WDR5: variants seen among roughly 807,000 people sequenced by gnomAD.
WDR5 encodes WD repeat domain 5.
For missense variants in WDR5, 187 were observed against 416.9 expected, an observed-to-expected ratio of 0.45 and a Z score of 4.80; for synonymous variants, 144 against 161.6, an observed-to-expected ratio of 0.89 and a Z score of 0.83.
chr9:134,147,060 C>T lies in WDR5; in HGVS notation c.529-1228C>T, dbSNP rs182822269. ...ACCTGCAGATTTCAGAGACCTGGCA[C>T]AAAAAAAGAAAGTAAAGTGTCTTGT... On this transcript the variant is annotated intron_variant, in intron 7 of 13. Coordinates refer to ENST00000358625, the MANE Select transcript of WDR5 (RefSeq NM_017588.3). 9.9e-5 allele frequency among the ~76,000 whole-genome samples: 15 copies of T among 151,996 alleles called. No individual in the cohort carries two copies. The East Asian group carries it at 2.9e-3, about 29-fold the overall frequency.
At chr9:134,144,601 T>C (rs28715994) in intron 7 of WDR5, among the ~76,000 whole-genome samples, 11,687 of 152,062 alleles carry the variant, frequency 0.077, 925 homozygotes, top group African/African-American at 0.2. Context: ...GCACTTTGGG[T>C]GGCTGAGGCA....
chr9:134,143,245 C>T (rs956976511), intron 7 of WDR5, among the ~76,000 whole-genome samples: 1 of 152,210 alleles, frequency 6.6e-6, no homozygotes, highest in African/African-American at 2.4e-5. Flanking sequence ...ACTGTGCAAA[C>T]CAAACGGCCG....
chr9:134,145,346 G>A (rs1029048267), intron 7 of WDR5, among the ~76,000 whole-genome samples: 23 of 152,078 alleles, frequency 1.5e-4, no homozygotes, highest in Non-Finnish European at 2.9e-4. Flanking sequence ...TGATCCGCCC[G>A]CCTGGTCCTC....
At chr9:134,144,481 C>T (rs551353910) in intron 7 of WDR5, among the ~76,000 whole-genome samples, 6 of 152,284 alleles carry the variant, frequency 3.9e-5, no homozygotes, top group East Asian at 1.9e-4. Flanking sequence ...AGGTGGGACT[C>T]GCGGTTGATA....
rs1588184122 is a variant in WDR5 at position 134,158,788 on chromosome 9, T to C, written c.*795T>C. The stretch of plus-strand genomic sequence containing the variant: ...GTGGAAGGTTTCTTTGGACAGGAGG[T>C]GCTGAGGCTGGCTGCACCTGCTCTC... On this transcript the variant is annotated 3_prime_UTR_variant, in exon 14 of 14. Coordinates refer to ENST00000358625, the MANE Select transcript of WDR5 (RefSeq NM_017588.3). 1 of 151,608 alleles carries C rather than the reference T, an allele frequency of 6.6e-6. No homozygotes were observed. The highest frequency in any genetic ancestry group is 6.6e-5 in the Admixed American group (1 of 15,258). The allele number at this position is 151,608 out of a possible 1,614,324, so 9.4% of individuals were successfully genotyped here.
At chr9:134,137,867 C>G (rs1261297688) in intron 1 of WDR5, among the ~76,000 whole-genome samples, 1 of 151,936 alleles carries the variant, frequency 6.6e-6, no homozygotes, top group East Asian at 1.9e-4. Flanking sequence ...CTCAGCCTCC[C>G]GAGTAGCTGG....
intron 3 of WDR5, among the ~76,000 whole-genome samples, 187 bp from the exon 4 acceptor site, chr9:134,141,323 G>C (rs117926597): frequency 6.6e-6 from 1 of 152,042 alleles, no homozygotes; most frequent in Non-Finnish European, 1.5e-5. Flanking sequence ...GAAATTGCCC[G>C]TGGACCCTGG....
rs1341770190 is a variant in WDR5 at position 134,158,166 on chromosome 9, A to G, written c.*173A>G. ...GAGCGGAAGGTGTGGACCACCGGAAAGTTCTTAAAAGTTGCTGGTGACATT... is the reference window on the plus strand; with the variant it reads ...GAGCGGAAGGTGTGGACCACCGGAAGGTTCTTAAAAGTTGCTGGTGACATT... On this transcript the variant is annotated 3_prime_UTR_variant, in exon 14 of 14. Coordinates refer to ENST00000358625, the MANE Select transcript of WDR5 (RefSeq NM_017588.3). 3 of 576,228 alleles carry G rather than the reference A, an allele frequency of 5.2e-6. No individual in the cohort carries two copies. Among genetic ancestry groups the G allele is most frequent in the Non-Finnish European group, 6.2e-6 (2 of 324,880 alleles). The allele number at this position is 576,228 out of a possible 1,614,324, so 35.7% of individuals were successfully genotyped here.
rs747030956 is a variant in WDR5, at chr9:134,142,318, A to G, written c.355-15A>G. 9 of 1,610,548 alleles carry G rather than the reference A, an allele frequency of 5.6e-6. No individual in the cohort carries two copies. In the African/African-American group the frequency reaches 1.1e-4, roughly 19 times the overall value. ...AAATAAGCACTGGAATAATCCTAAT[A>G]ATACTCTGTTATAGGGCAAGTGTCT... On this transcript the variant is annotated splice_polypyrimidine_tract_variant and intron_variant, in intron 5 of 13. Transcript: ENST00000358625.
At chr9:134,152,087 C>T in intron 9 of WDR5, 58 bp downstream of exon 9, 1 of 1,582,266 alleles carries the variant, frequency 6.3e-7, no homozygotes, top group Non-Finnish European at 8.6e-7. Context: ...CTGCTGGGTT[C>T]ACTGCCCCTG....
intron 10 of WDR5, among the ~76,000 whole-genome samples, chr9:134,154,814 G>A (rs367908939): frequency 6.6e-6 from 1 of 152,216 alleles, no homozygotes; most frequent in Non-Finnish European, 1.5e-5. Context: ...TAGCCATCCC[G>A]CATGAAGGAG....
At chr9:134,153,242 A>G (rs557596239) in intron 9 of WDR5, among the ~76,000 whole-genome samples, 1 of 152,286 alleles carries the variant, frequency 6.6e-6, no homozygotes, top group East Asian at 1.9e-4. Context: ...CTCATCCTGC[A>G]TAGAGGCTCA....
intron 7 of WDR5, among the ~76,000 whole-genome samples, chr9:134,143,186 C>T (rs914535024): frequency 7.2e-5 from 11 of 152,120 alleles, no homozygotes; most frequent in African/African-American, 1.7e-4. Context: ...TGGAGCTCTC[C>T]GGAGAGCGGG....
At chr9:134,140,675 A>T (rs1189439916) in intron 2 of WDR5, 28 bp from the exon 3 acceptor site, 24 of 1,596,496 alleles carry the variant, frequency 1.5e-5, no homozygotes, top group Non-Finnish European at 2.0e-5. Context: ...AGTGGTGGTG[A>T]CTTTTTGCTA....
At position 134,158,095 on chromosome 9, in the gene WDR5, C is replaced by G. The variant is rs917042789; in HGVS notation, c.*102C>G. The G allele has an allele frequency of 9.8e-7, 1 of 1,022,476 alleles. No homozygotes were observed. The highest frequency in any genetic ancestry group is 2.4e-5 in the East Asian group (1 of 41,358). The allele number at this position is 1,022,476 out of a possible 1,614,324, so 63.3% of individuals were successfully genotyped here. ...GTCCCCCAGATCTGCGCCTGGGGGT[C>G]AGGACAGGGCCTGATTTGAGCCTCC... On this transcript the variant is annotated 3_prime_UTR_variant, in exon 14 of 14. Coordinates refer to ENST00000358625, the MANE Select transcript of WDR5 (RefSeq NM_017588.3).
rs984898752 is a variant in WDR5, at chr9:134,157,684, G to A, written c.905-209G>A. On this transcript the variant is annotated intron_variant, in intron 13 of 13. Transcript: ENST00000358625. The surrounding 1 kb of genome is among the most constrained non-coding windows in gnomAD (Gnocchi z 5.0). The stretch of plus-strand genomic sequence containing the variant: ...TCCTGCCCCTGTCCCCCAACCGGCT[G>A]TGTCGCCCTGGTACCGGCTGCTGTC... Among the ~76,000 whole-genome samples the A allele has an allele frequency of 1.3e-5, 2 of 152,070 alleles. No individual in the cohort carries two copies. The highest frequency in any genetic ancestry group is 1.3e-4 in the Admixed American group (2 of 15,276).
rs1035327987 is a variant in WDR5, at chr9:134,137,683, A to C, written c.-59+1483A>C. The stretch of plus-strand genomic sequence containing the variant: ...ACTGTGTCTCAAAAAAAAAACAAAA[A>C]CAAAAAAAAAACACGCCAAGCCTAG... On this transcript the variant is annotated intron_variant, in intron 1 of 13. Coordinates refer to ENST00000358625, the MANE Select transcript of WDR5 (RefSeq NM_017588.3). 1.4e-3 allele frequency among the ~76,000 whole-genome samples: 181 copies of C among 128,460 alleles called. 3 individuals are homozygous for C. The highest frequency in any genetic ancestry group is 5.0e-3 in the African/African-American group (172 of 34,574). 84.3% of individuals were successfully genotyped at this position (128,460 alleles called of 152,430 possible).
At chr9:134,139,781 T>G in intron 1 of WDR5, 39 bp from the exon 2 acceptor site, 1 of 1,305,160 alleles carries the variant, frequency 7.7e-7, no homozygotes, top group Non-Finnish European at 1.1e-6. Context: ...TAAAATATAG[T>G]TTGTTTCTTG....
At chr9:134,145,102 T>TGTTTTTTTTTTG (rs1034355353) in intron 7 of WDR5, among the ~76,000 whole-genome samples, 1 of 118,672 alleles carries the variant, frequency 8.4e-6, no homozygotes, top group Non-Finnish European at 1.8e-5. Flanking sequence ...CTTTGTTTTT[T>TGTTTTTTTTTTG]TTTTTTTTTT....
Sources: gnomAD v4.1 joint callset for allele counts (sites outside exome capture counted in the v4.1 genomes callset) on GRCh38, gnomAD v4.1.1 for gene constraint, Gnocchi (gnomAD v3.1) non-coding constraint, MANE v1.5 for transcripts, NCBI Gene and HGNC (gene_info 2026-07-23, HGNC 2026-07-21) for gene names.